Variants in DHCR24 observed in about 807,000 individuals in gnomAD.
DHCR24 encodes the protein delta(24)-sterol reductase.
A neutral mutation model predicts 61.2 loss-of-function variants in DHCR24; 28 were observed. That is an observed-to-expected ratio of 0.46 (90% confidence interval 0.34 to 0.63). DHCR24 has a LOEUF of 0.63. Among genes scored for constraint, DHCR24 ranks in the 20% least tolerant of loss-of-function variants. DHCR24 has a pLI of 0.01. For synonymous variants in DHCR24, 261 were observed against 275.9 expected, an observed-to-expected ratio of 0.95 and a Z score of 0.54; for missense variants, 538 against 679.1, an observed-to-expected ratio of 0.79 and a Z score of 2.31.
chr1:54,859,978 A>C (rs1039847663), intron 6 of DHCR24, among the ~76,000 whole-genome samples: 2 of 152,152 alleles, frequency 1.3e-5, no homozygotes, highest in African/African-American at 4.8e-5. Context: ...ATTGCCCACC[A>C]CCTGCTGTGG....
At chr1:54,867,102 T>C (rs1646971972) in intron 5 of DHCR24, among the ~76,000 whole-genome samples, 1 of 152,150 alleles carries the variant, frequency 6.6e-6, no homozygotes, top group Non-Finnish European at 1.5e-5. Flanking sequence ...AGTCTGTCTT[T>C]TCCAGGCACA....
In DHCR24 at chr1:54,857,835, G is replaced by A. The variant is rs116867622; in HGVS notation, c.1021-3601C>T. Among the ~76,000 whole-genome samples, 5 of 152,308 alleles carry A rather than the reference G, an allele frequency of 3.3e-5. No individual in the cohort carries two copies. In the East Asian group the frequency reaches 9.7e-4, roughly 29 times the overall value. ...TATGCAGCTAACCCTGACCCCGCGTGTTGCTGATTGACCAAGCTGGGGGAA... is the reference window on the plus strand; with the variant it reads ...TATGCAGCTAACCCTGACCCCGCGTATTGCTGATTGACCAAGCTGGGGGAA... On this transcript the variant is annotated intron_variant, in intron 6 of 8. Transcript: ENST00000371269.
At position 54,877,361 on chromosome 1, in the gene DHCR24, TG is replaced by T. The variant is rs907990752; in HGVS notation, c.388-1315del. Reference sequence around the variant, plus strand: ...CATGATTTTTAATGTATACATCCCTTGGACTTCTACTTCTAGCCGAAGTGGA... The same window carrying T: ...CATGATTTTTAATGTATACATCCCTTGACTTCTACTTCTAGCCGAAGTGGA... On this transcript the variant is annotated intron_variant, in intron 2 of 8. Transcript: ENST00000371269. 8.1e-4 allele frequency among the ~76,000 whole-genome samples: 122 copies of T among 149,852 alleles called. 2 individuals carry two copies. The highest frequency in any genetic ancestry group is 2.9e-3 in the African/African-American group (116 of 40,466).
chr1:54,880,304 C>T (rs1226866463), intron 2 of DHCR24, among the ~76,000 whole-genome samples: 1 of 152,068 alleles, frequency 6.6e-6, no homozygotes, highest in East Asian at 1.9e-4. Flanking sequence ...AACTGAAGAG[C>T]CCAGTACCTA....
rs1646889175 is a variant in DHCR24, at chr1:54,853,470, A to G, written c.1361T>C (p.Met454Thr). 1 of 1,614,082 alleles carries G rather than the reference A, an allele frequency of 6.2e-7. No homozygotes were observed. Among genetic ancestry groups the G allele is most frequent in the African/African-American group, 1.3e-5 (1 of 74,940 alleles). Reference protein sequence around the residue: ...RVKHFEARSCMRQLEKFVRSV... With the variant: ...RVKHFEARSCTRQLEKFVRSV... ...GCGGACAAACTTCTCCAGCTGCCTC[A>G]TGCAGGACCTGGCTTCAAAGTGTTT... The change falls in exon 8 of 9, where the codon ATG becomes ACG. Residue 454 changes from methionine to threonine, a missense_variant. By Grantham distance (81) the Met-to-Thr change is moderately conservative. Coordinates refer to ENST00000371269, the MANE Select transcript of DHCR24 (RefSeq NM_014762.4).
chr1:54,886,619 T>C (rs1401252104), intron 1 of DHCR24: 2 of 1,472,122 alleles, frequency 1.4e-6, no homozygotes, highest in East Asian at 2.8e-5. Context: ...GAGAGTTACC[T>C]GAGTGCTTCG....
In DHCR24 at chr1:54,852,015, G is replaced by T. The variant is rs145558556; in HGVS notation, c.*218C>A. On this transcript the variant is annotated 3_prime_UTR_variant, in exon 9 of 9. Coordinates refer to ENST00000371269, the MANE Select transcript of DHCR24 (RefSeq NM_014762.4). ...ACACAGCTAATGAGTTCTAAACGGGGAACTGGACTCAGGCTTGTCTGACTC... is the reference window on the plus strand; with the variant it reads ...ACACAGCTAATGAGTTCTAAACGGGTAACTGGACTCAGGCTTGTCTGACTC... 4,423 of 603,238 alleles carry T rather than the reference G, an allele frequency of 7.3e-3. 29 individuals are homozygous for T. The highest frequency in any genetic ancestry group is 0.015 in the African/African-American group (803 of 54,044). The allele number at this position is 603,238 out of a possible 1,614,324, so 37.4% of individuals were successfully genotyped here.
At chr1:54,856,023 A>G (rs1646905853) in intron 6 of DHCR24, among the ~76,000 whole-genome samples, 1 of 151,884 alleles carries the variant, frequency 6.6e-6, no homozygotes. Flanking sequence ...GAAGCAGAGG[A>G]GCTTTGAAAA....
intron 6 of DHCR24, among the ~76,000 whole-genome samples, chr1:54,859,411 A>C (rs1646923823): frequency 6.6e-6 from 1 of 152,214 alleles, no homozygotes; most frequent in South Asian, 2.1e-4. Flanking sequence ...TTCATTATGC[A>C]GCAATAGATC....
chr1:54,862,225 C>G (rs887601831), intron 6 of DHCR24, among the ~76,000 whole-genome samples: 9 of 152,186 alleles, frequency 5.9e-5, no homozygotes, highest in Non-Finnish European at 1.3e-4. Flanking sequence ...TCACCTGGCC[C>G]CACACCCGCC....
chr1:54,876,499 C>T (rs1007608820), intron 2 of DHCR24, among the ~76,000 whole-genome samples: 1 of 152,022 alleles, frequency 6.6e-6, no homozygotes, highest in African/African-American at 2.4e-5. Flanking sequence ...ACTAAAAATA[C>T]AAAAATTAGC....
At chr1:54,882,174 C>T (rs1479584953) in intron 2 of DHCR24, among the ~76,000 whole-genome samples, 2 of 151,020 alleles carry the variant, frequency 1.3e-5, no homozygotes, top group Non-Finnish European at 2.9e-5. Flanking sequence ...AAGAAAACCA[C>T]CTGAATTTTT....
chr1:54,853,310 G>C, intron 8 of DHCR24, 124 bp downstream of exon 8: 2 of 1,239,892 alleles, frequency 1.6e-6, no homozygotes, highest in Admixed American at 2.0e-5. Context: ...CAGCTGCAGG[G>C]GCCCTAAGGA....
At chr1:54,871,285 G>A (rs913546908) in intron 5 of DHCR24, 65 bp downstream of exon 5, 154 of 1,601,126 alleles carry the variant, frequency 9.6e-5, no homozygotes, top group Admixed American at 2.9e-4. Flanking sequence ...TACGGGAACC[G>A]GCTCAGTCCT....
In DHCR24 at chr1:54,871,561, C is replaced by A. The variant is rs759168678; in HGVS notation, c.665G>T (p.Gly222Val). 7 of 1,614,172 alleles carry A rather than the reference C, an allele frequency of 4.3e-6. No individual in the cohort carries two copies. Among genetic ancestry groups the A allele is most frequent in the Non-Finnish European group, 5.9e-6 (7 of 1,180,028 alleles). ...YAVPWSCGTL[G>V]FLVAAEIRII... ...GCGGATCTCAGCGGCCACCAGGAAACCCAGCGTCCCACAGGACCAGGGTAC... is the reference window on the plus strand; with the variant it reads ...GCGGATCTCAGCGGCCACCAGGAAAACCAGCGTCCCACAGGACCAGGGTAC... Residue 222 changes from glycine to valine, a missense_variant, in exon 5 of 9, where the codon GGT (glycine) becomes GTT (valine). By Grantham distance (109) the Gly-to-Val change is moderately radical. Coordinates refer to ENST00000371269, the MANE Select transcript of DHCR24 (RefSeq NM_014762.4).
chr1:54,855,176 T>G (rs1646899726), intron 6 of DHCR24, among the ~76,000 whole-genome samples: 2 of 152,038 alleles, frequency 1.3e-5, no homozygotes. Flanking sequence ...AGATGGATCA[T>G]GAGGTCAGGA....
intron 2 of DHCR24, among the ~76,000 whole-genome samples, chr1:54,880,401 T>C (rs369773815): frequency 2.0e-5 from 3 of 152,216 alleles, no homozygotes; most frequent in African/African-American, 7.2e-5. Flanking sequence ...TCTATAAAAA[T>C]TCTACAATAA....
chr1:54,883,104 A>G lies in DHCR24; in HGVS notation c.387+514T>C, dbSNP rs914061104. ...ATTATTGGATATTGTGTTGTTGTCA[A>G]TTAGAAATAAAGCTGTGATATAATC... On this transcript the variant is annotated intron_variant, in intron 2 of 8. Coordinates refer to ENST00000371269, the MANE Select transcript of DHCR24 (RefSeq NM_014762.4). This position sits in a 1 kb window ranked among gnomAD's most constrained non-coding sequence, Gnocchi z 4.3. 1.3e-5 allele frequency among the ~76,000 whole-genome samples: 2 copies of G among 152,194 alleles called. No homozygotes were observed. The highest frequency in any genetic ancestry group is 2.9e-5 in the Non-Finnish European group (2 of 68,040).
At chr1:54,885,082 C>T (rs1647085438) in intron 1 of DHCR24, among the ~76,000 whole-genome samples, 1 of 152,180 alleles carries the variant, frequency 6.6e-6, no homozygotes, top group African/African-American at 2.4e-5. Flanking sequence ...AACCAAAAGT[C>T]TGGTCAAATA....
Sources: allele counts gnomAD v4.1 joint callset (sites outside exome capture counted in the v4.1 genomes callset), GRCh38; gene constraint gnomAD v4.1.1; non-coding constraint Gnocchi (gnomAD v3.1); transcripts MANE v1.5; gene names NCBI Gene and HGNC (gene_info 2026-07-23, HGNC 2026-07-21).